Variants in ZNF23 observed in about 807,000 individuals in gnomAD.
The protein encoded by ZNF23 is kruppel-like zinc finger factor X31.
ZNF23 carries 48 observed loss-of-function variants against 56.2 expected under a neutral mutation model. That is an observed-to-expected ratio of 0.85 (90% CI 0.68 to 1.09). The LOEUF (loss-of-function observed/expected upper bound fraction) is 1.09. Among genes scored for constraint, ZNF23 ranks in the 50% least tolerant of loss-of-function variants. The pLI is 0.00. For synonymous variants in ZNF23, 266 were observed against 283.3 expected, an observed-to-expected ratio of 0.94 and a Z score of 0.61; for missense variants, 805 against 811.4, an observed-to-expected ratio of 0.99 and a Z score of 0.10.
Position 71,449,114 on chromosome 16 carries a change from C to G in ZNF23, c.1040G>C (p.Gly347Ala), listed in dbSNP as rs768561937. The G allele has an allele frequency of 5.0e-6, 8 of 1,614,078 alleles. No individual in the cohort carries two copies. The highest frequency in any genetic ancestry group is 6.8e-6 in the Non-Finnish European group (8 of 1,180,032). ...AYITHQRVHT[G>A]EKPYECNDCG... The stretch of plus-strand genomic sequence containing the variant: ...GTCATTACACTCGTAAGGTTTCTCT[C>G]CAGTGTGGACTCTCTGATGTGTAAT... Residue 347 changes from glycine to alanine, a missense_variant, in exon 5 of 5, where the codon GGA (glycine) becomes GCA (alanine). Transcript: ENST00000647773.
At chr16:71,453,391 C>T in intron 3 of ZNF23, 41 bp from the exon 4 acceptor site, 1 of 1,420,182 alleles carries the variant, frequency 7.0e-7, no homozygotes, top group South Asian at 1.2e-5. Flanking sequence ...GATGAATAAA[C>T]TCCCACAGAC....
At chr16:71,451,752 T>C (rs2043063252) in intron 4 of ZNF23, 1 of 152,236 alleles carries the variant, frequency 6.6e-6, no homozygotes, top group African/African-American at 2.4e-5. Context: ...AAGACATCTA[T>C]ACTATCAGAT....
At chr16:71,456,335 C>T (rs1407654615) in intron 2 of ZNF23, among the ~76,000 whole-genome samples, 1 of 152,138 alleles carries the variant, frequency 6.6e-6, no homozygotes, top group Non-Finnish European at 1.5e-5. Context: ...TTCCCTTACC[C>T]CTGAATTAGA....
rs1161293422 is a variant in ZNF23 at position 71,448,923 on chromosome 16, CTT to C, written c.1229_1230del (p.Lys410ArgfsTer8). On this transcript the variant is annotated frameshift_variant, in exon 5 of 5. Transcript: ENST00000647773. LOFTEE classifies it high-confidence loss of function. ...TTATTATTGAAGCCTTTTCCACACTCTTTACACTGATAGGGCTTTTCTCCTGT... is the reference window on the plus strand; with the variant it reads ...TTATTATTGAAGCCTTTTCCACACTCTACACTGATAGGGCTTTTCTCCTGT... Reference protein sequence around the residue: ...IHTGEKPYQCKECGKGFNNNT... With the variant: ...IHTGEKPYQCXECGKGFNNNT... 3 of 1,614,226 alleles carry C rather than the reference CTT, an allele frequency of 1.9e-6. No homozygotes were observed. The Admixed American group carries it at 5.0e-5, about 27-fold the overall frequency.
intron 2 of ZNF23, chr16:71,456,269 G>A (rs897670512): frequency 2.3e-5 from 8 of 352,730 alleles, no homozygotes; most frequent in African/African-American, 1.7e-4. Context: ...AGCACAATGA[G>A]ACATTCCGTC....
At chr16:71,451,507 G>A (rs1567561574) in intron 4 of ZNF23, 1 of 152,184 alleles carries the variant, frequency 6.6e-6, no homozygotes, top group Non-Finnish European at 1.5e-5. Flanking sequence ...GTTGAGCTAT[G>A]GCAGAACCCT....
At chr16:71,458,820 A>G (rs1473537971) in intron 1 of ZNF23, among the ~76,000 whole-genome samples, 1 of 152,240 alleles carries the variant, frequency 6.6e-6, no homozygotes. Flanking sequence ...ACTGTGAGAA[A>G]TAAGTATGTT....
chr16:71,454,951 TC>T (rs1422108521), intron 2 of ZNF23, among the ~76,000 whole-genome samples: 1 of 152,056 alleles, frequency 6.6e-6, no homozygotes, highest in Non-Finnish European at 1.5e-5. Context: ...CAACCACCCC[TC>T]CTGGGCAGCT....
chr16:71,454,258 G>A (rs2043149731), intron 2 of ZNF23, 90 bp from the exon 3 acceptor site: 2 of 1,478,600 alleles, frequency 1.4e-6, no homozygotes, highest in African/African-American at 1.4e-5. Flanking sequence ...GCTTGGGGAG[G>A]GTGCTTGTGA....
intron 4 of ZNF23, chr16:71,450,560 C>G: frequency 1.8e-5 from 6 of 327,396 alleles, no homozygotes; most frequent in South Asian, 1.3e-4. Flanking sequence ...CTCTACTAAA[C>G]CACAAAAAAT....
intron 4 of ZNF23, 137 bp downstream of exon 4, chr16:71,453,106 T>C (rs925785845): frequency 1.7e-6 from 1 of 601,924 alleles, no homozygotes. Flanking sequence ...TACCTATCTC[T>C]ATGAATCATC....
chr16:71,449,791 T>C lies in ZNF23; in HGVS notation c.363A>G (p.Thr121=), dbSNP rs763511047. 8 of 1,614,112 alleles carry C rather than the reference T, an allele frequency of 5.0e-6. No individual in the cohort carries two copies. The highest frequency in any genetic ancestry group is 1.6e-4 in the Middle Eastern group (1 of 6,062). Residue 121 remains threonine, a synonymous_variant, in exon 5 of 5, where the codon ACA becomes ACG. Coordinates refer to ENST00000647773, the MANE Select transcript of ZNF23 (RefSeq NM_001381984.1). ...CTAGAAGAGAGGCTTCTGAAAAGTC[T>C]GTTTCCTGGGAAAAGTCTCTTTGAA... is the stretch of plus-strand genomic sequence containing the variant. ...FELQRDFSQE[T]DFSEASLLEK...
chr16:71,448,950 T>G lies in ZNF23; in HGVS notation c.1204A>C (p.Thr402Pro), dbSNP rs1208711900. The part of the protein sequence containing the change: ...SQLRQHQSIH[T>P]GEKPYQCKEC... ...TTACACTGATAGGGCTTTTCTCCTGTGTGGATGCTCTGATGCTGCCTAAGC... is the reference window on the plus strand; with the variant it reads ...TTACACTGATAGGGCTTTTCTCCTGGGTGGATGCTCTGATGCTGCCTAAGC... The change falls in exon 5 of 5, where the codon ACA (threonine) becomes CCA (proline). Residue 402 changes from threonine (T) to proline (P), a missense_variant. Thr to Pro is a conservative substitution (Grantham distance 38). Transcript: ENST00000647773. 6.2e-7 allele frequency: 1 copy of G among 1,614,266 alleles called. No homozygotes were observed.
intron 2 of ZNF23, chr16:71,455,947 C>T: frequency 2.2e-6 from 1 of 448,262 alleles, no homozygotes. Context: ...GGAAAGAGTA[C>T]AACACAGCAC....
At chr16:71,454,494 G>A (rs186474024) in intron 2 of ZNF23, among the ~76,000 whole-genome samples, 40 of 152,108 alleles carry the variant, frequency 2.6e-4, no homozygotes, top group African/African-American at 7.7e-4. Flanking sequence ...CAGCAAACTC[G>A]GGGCTGATCC....
At chr16:71,450,056 T>G (rs1426584547) in intron 4 of ZNF23, 171 bp from the exon 5 acceptor site, 6 of 513,086 alleles carry the variant, frequency 1.2e-5, no homozygotes, top group Non-Finnish European at 2.0e-5. Context: ...AACTAACTAG[T>G]AAAAGAATAC....
At chr16:71,453,810 C>T (rs1473403920) in intron 3 of ZNF23, 1 of 585,566 alleles carries the variant, frequency 1.7e-6, no homozygotes, top group African/African-American at 1.9e-5. Flanking sequence ...CAAAACATAG[C>T]TTTCATGGGT....
chr16:71,454,244 A>G, intron 2 of ZNF23, 76 bp from the exon 3 acceptor site: 1 of 1,529,444 alleles, frequency 6.5e-7, no homozygotes, highest in Non-Finnish European at 8.7e-7. Flanking sequence ...AGCGCAGTAT[A>G]AGGGCTTGGG....
intron 3 of ZNF23, 132 bp downstream of exon 3, chr16:71,453,910 T>C: frequency 8.9e-7 from 1 of 1,126,770 alleles, no homozygotes. Context: ...CCTCTAAGTC[T>C]AGATTAGGAA....
Sources: allele counts gnomAD v4.1 joint callset (sites outside exome capture counted in the v4.1 genomes callset), GRCh38; gene constraint gnomAD v4.1.1; transcripts MANE v1.5; gene names NCBI Gene and HGNC (gene_info 2026-07-23, HGNC 2026-07-21).